The following ACVR1C variants were observed in gnomAD, a reference collection of about 807,000 sequenced individuals.
ACVR1C encodes the protein activin receptor type-1C.
ACVR1C carries 23 observed loss-of-function variants against 57.9 expected under a neutral mutation model. That is an observed-to-expected ratio of 0.40 (90% confidence interval 0.29 to 0.56). The LOEUF (loss-of-function observed/expected upper bound fraction) is 0.56. Ranked by LOEUF, ACVR1C falls within the 20% of genes least tolerant of loss-of-function variation. The pLI, the probability that ACVR1C is intolerant of heterozygous loss-of-function variation, is 0.50. For missense variants in ACVR1C, 480 were observed against 607.9 expected, an observed-to-expected ratio of 0.79 and a Z score of 2.21; for synonymous variants, 214 against 215.3, an observed-to-expected ratio of 0.99 and a Z score of 0.05.
chr2:157,585,566 G>A (rs1416883841), intron 2 of ACVR1C, among the ~76,000 whole-genome samples: 1 of 152,074 alleles, frequency 6.6e-6, no homozygotes, highest in African/African-American at 2.4e-5. Flanking sequence ...ATGTAGTCTT[G>A]AGGATCATTC....
intron 1 of ACVR1C, among the ~76,000 whole-genome samples, chr2:157,621,744 G>C (rs1241227965): frequency 5.3e-5 from 8 of 152,216 alleles, no homozygotes; most frequent in East Asian, 1.9e-4. Flanking sequence ...ACTAATGCGA[G>C]GTATTGCAAA....
chr2:157,599,470 G>A (rs752917943), intron 1 of ACVR1C, among the ~76,000 whole-genome samples: 21 of 151,988 alleles, frequency 1.4e-4, no homozygotes, highest in Non-Finnish European at 2.4e-4. Flanking sequence ...AGCTTTCCCG[G>A]CTCAACAAGC....
intron 8 of ACVR1C, among the ~76,000 whole-genome samples, chr2:157,536,184 T>C (rs1687482946): frequency 6.6e-6 from 1 of 152,136 alleles, no homozygotes; most frequent in Non-Finnish European, 1.5e-5. Context: ...TAATGAAAGC[T>C]CTAACATGCA....
chr2:157,603,704 C>G (rs1185427503), intron 1 of ACVR1C, among the ~76,000 whole-genome samples: 1 of 152,040 alleles, frequency 6.6e-6, no homozygotes, highest in Non-Finnish European at 1.5e-5. Flanking sequence ...TCCATGTTAA[C>G]AAATTAAACA....
At chr2:157,542,885 T>C (rs774292897) in intron 5 of ACVR1C, 23 bp from the exon 6 acceptor site, 1 of 1,609,418 alleles carries the variant, frequency 6.2e-7, no homozygotes, top group South Asian at 1.1e-5. Flanking sequence ...GAAGAACATA[T>C]TCATTTTTTT....
intron 1 of ACVR1C, among the ~76,000 whole-genome samples, chr2:157,591,035 G>A (rs776465858): frequency 6.6e-6 from 1 of 151,848 alleles, no homozygotes; most frequent in Non-Finnish European, 1.5e-5. Flanking sequence ...AAAGACTTAG[G>A]GACTATCTCT....
At chr2:157,615,758 G>T (rs536353275) in intron 1 of ACVR1C, among the ~76,000 whole-genome samples, 13 of 152,010 alleles carry the variant, frequency 8.6e-5, no homozygotes, top group Non-Finnish European at 1.9e-4. Flanking sequence ...ATTTAAAGTT[G>T]TCACTTTATT....
At chr2:157,590,714 G>C (rs1689040253) in intron 1 of ACVR1C, among the ~76,000 whole-genome samples, 1 of 151,928 alleles carries the variant, frequency 6.6e-6, no homozygotes, top group Non-Finnish European at 1.5e-5. Flanking sequence ...GAGCCATATA[G>C]ATAAAATCTA....
intron 2 of ACVR1C, among the ~76,000 whole-genome samples, chr2:157,574,394 C>T (rs183548733): frequency 2.0e-4 from 30 of 152,282 alleles, no homozygotes; most frequent in Admixed American, 1.9e-3. Flanking sequence ...GCTCCACCCT[C>T]CTGACCTAAT....
At chr2:157,565,460 T>C (rs1205797146) in intron 2 of ACVR1C, among the ~76,000 whole-genome samples, 4 of 152,130 alleles carry the variant, frequency 2.6e-5, no homozygotes, top group African/African-American at 4.8e-5. Flanking sequence ...CTTAGATCCC[T>C]CCAACATGCT....
chr2:157,628,695 C>A lies in ACVR1C; in HGVS notation c.-51G>T. ...TGCGAGGCCCCAGAGCAGAGCGAGG[C>A]AGCCGGGGCAGCACGGCCCGCTTTG... On this transcript the variant is annotated 5_prime_UTR_variant, in exon 1 of 9. Coordinates refer to ENST00000243349, the MANE Select transcript of ACVR1C (RefSeq NM_145259.3). The A allele has an allele frequency of 1.4e-6, 2 of 1,451,358 alleles. No homozygotes were observed. The allele number at this position is 1,451,358 out of a possible 1,614,324, so 89.9% of individuals were successfully genotyped here. A position where few individuals can be genotyped will look rare whatever the true frequency, so the allele number is the denominator to read the frequency against.
At chr2:157,604,282 C>T (rs937871975) in intron 1 of ACVR1C, among the ~76,000 whole-genome samples, 1 of 152,034 alleles carries the variant, frequency 6.6e-6, no homozygotes, top group African/African-American at 2.4e-5. Flanking sequence ...GACATTTTCT[C>T]TCTCTGTCCC....
At chr2:157,534,556 G>GA (rs962256491) in intron 8 of ACVR1C, among the ~76,000 whole-genome samples, 1 of 151,464 alleles carries the variant, frequency 6.6e-6, no homozygotes, top group Non-Finnish European at 1.5e-5. Context: ...GTAAACGTAC[G>GA]AAAAAAAATT....
At chr2:157,610,895 C>G (rs911606709) in intron 1 of ACVR1C, among the ~76,000 whole-genome samples, 50 of 151,958 alleles carry the variant, frequency 3.3e-4, no homozygotes, top group African/African-American at 1.2e-3. Flanking sequence ...CTTATTATAT[C>G]TTTGGTAAAT....
intron 6 of ACVR1C, among the ~76,000 whole-genome samples, chr2:157,541,655 G>C (rs1300406006): frequency 6.6e-6 from 1 of 152,136 alleles, no homozygotes; most frequent in South Asian, 2.1e-4. Flanking sequence ...TAATCAGATG[G>C]GCAAGGTAAG....
chr2:157,561,241 A>G (rs1040009664), intron 2 of ACVR1C, among the ~76,000 whole-genome samples: 2 of 152,212 alleles, frequency 1.3e-5, no homozygotes, highest in East Asian at 1.9e-4. Context: ...TGCAAGGTCA[A>G]TTTCATGGAG....
At chr2:157,576,571 T>C (rs955875969) in intron 2 of ACVR1C, among the ~76,000 whole-genome samples, 5 of 152,182 alleles carry the variant, frequency 3.3e-5, no homozygotes, top group African/African-American at 1.2e-4. Flanking sequence ...TCTTGTCAAC[T>C]TGGGTAAACT....
chr2:157,586,833 T>C (rs1354888832), intron 2 of ACVR1C, among the ~76,000 whole-genome samples: 1 of 152,184 alleles, frequency 6.6e-6, no homozygotes, highest in Non-Finnish European at 1.5e-5. Context: ...TATTTCAATG[T>C]CTTTTACACA....
chr2:157,607,674 T>C (rs1164210729), intron 1 of ACVR1C, among the ~76,000 whole-genome samples: 1 of 151,784 alleles, frequency 6.6e-6, no homozygotes, highest in Non-Finnish European at 1.5e-5. Context: ...CTTGTATAGA[T>C]GTTTCACATT....
Sources: allele counts gnomAD v4.1 joint callset (sites outside exome capture counted in the v4.1 genomes callset), GRCh38; gene constraint gnomAD v4.1.1; transcripts MANE v1.5; gene names NCBI Gene and HGNC (gene_info 2026-07-23, HGNC 2026-07-21).